The following HSD17B12 variants were observed in gnomAD, a reference collection of about 807,000 sequenced individuals.
The protein encoded by HSD17B12 is hydroxysteroid 17-beta dehydrogenase 12, also known as very-long-chain 3-oxoacyl-CoA reductase.
HSD17B12 carries 32 observed loss-of-function variants against 39.3 expected under a neutral mutation model. That is an observed-to-expected ratio of 0.81 (90% CI 0.61 to 1.09). HSD17B12 has a LOEUF of 1.09. Ranked by LOEUF, HSD17B12 falls within the 50% of genes least tolerant of loss-of-function variation. The pLI is 0.00. For missense variants in HSD17B12, 342 were observed against 382.9 expected, an observed-to-expected ratio of 0.89 and a Z score of 0.89; for synonymous variants, 150 against 146.7, an observed-to-expected ratio of 1.02 and a Z score of -0.16.
the HSD17B12 span, among the ~76,000 whole-genome samples, chr11:43,561,913 T>C: frequency 6.6e-6 from 1 of 152,208 alleles, no homozygotes. Context: ...TTAATAAATG[T>C]TAGCTGACTC....
the HSD17B12 span, among the ~76,000 whole-genome samples, chr11:43,568,450 T>C: frequency 1.3e-5 from 2 of 152,172 alleles, no homozygotes; most frequent in Non-Finnish European, 1.5e-5. Context: ...GGCAATTAAT[T>C]ACATGGCAAG....
At chr11:43,653,515 A>G in the HSD17B12 span, among the ~76,000 whole-genome samples, 1 of 152,046 alleles carries the variant, frequency 6.6e-6, no homozygotes, top group Non-Finnish European at 1.5e-5. Flanking sequence ...CTTGTCATTT[A>G]GCATTAGGTA....
At chr11:43,768,799 TTC>T (rs1950622426) in intron 3 of HSD17B12, among the ~76,000 whole-genome samples, 4 of 152,230 alleles carry the variant, frequency 2.6e-5, no homozygotes, top group African/African-American at 7.2e-5. Context: ...CCAGTTTTTA[TTC>T]TCTTATTTGG....
chr11:43,769,300 A>C (rs1950627757), intron 3 of HSD17B12, among the ~76,000 whole-genome samples: 1 of 152,244 alleles, frequency 6.6e-6, no homozygotes, highest in African/African-American at 2.4e-5. Context: ...ACAATTAGTA[A>C]CTAAAGAAAG....
the HSD17B12 span, among the ~76,000 whole-genome samples, chr11:43,629,027 T>C: frequency 3.9e-5 from 6 of 152,146 alleles, no homozygotes; most frequent in African/African-American, 1.4e-4. Flanking sequence ...TTGTAATTGA[T>C]GTAAAGCAGT....
the HSD17B12 span, among the ~76,000 whole-genome samples, chr11:43,663,388 C>A: frequency 6.6e-6 from 1 of 152,186 alleles, no homozygotes; most frequent in African/African-American, 2.4e-5. Context: ...GCGTGAGCCA[C>A]CATGCCTGGC....
the HSD17B12 span, among the ~76,000 whole-genome samples, chr11:43,660,901 G>T: frequency 6.6e-6 from 1 of 152,196 alleles, no homozygotes; most frequent in Non-Finnish European, 1.5e-5. Context: ...GAGGCAGGTG[G>T]ATTACCTGAG....
chr11:43,839,257 C>T (rs1197642967), intron 8 of HSD17B12, among the ~76,000 whole-genome samples: 2 of 152,100 alleles, frequency 1.3e-5, no homozygotes, highest in Non-Finnish European at 2.9e-5. Flanking sequence ...CTTGGTACCA[C>T]CTCCCAGCCC....
At chr11:43,644,425 T>C in the HSD17B12 span, 1 of 152,284 alleles carries the variant, frequency 6.6e-6, no homozygotes, top group Non-Finnish European at 1.5e-5. Flanking sequence ...GCCGTCGTTA[T>C]AGCGGTCAAG....
chr11:43,821,364 A>T (rs559533540), intron 6 of HSD17B12, among the ~76,000 whole-genome samples: 1 of 152,166 alleles, frequency 6.6e-6, no homozygotes, highest in Non-Finnish European at 1.5e-5. Flanking sequence ...TAGAAACTCT[A>T]TATGTAGGTA....
chr11:43,770,166 T>C (rs1202317716), intron 3 of HSD17B12, among the ~76,000 whole-genome samples: 2 of 152,340 alleles, frequency 1.3e-5, no homozygotes, highest in Middle Eastern at 3.4e-3. Flanking sequence ...ACAGTTACAC[T>C]ATAGACAAAT....
At chr11:43,661,354 T>C in the HSD17B12 span, among the ~76,000 whole-genome samples, 1 of 152,130 alleles carries the variant, frequency 6.6e-6, no homozygotes, top group Non-Finnish European at 1.5e-5. Flanking sequence ...TCTTGGAGAT[T>C]ATGGAAATGT....
the HSD17B12 span, among the ~76,000 whole-genome samples, chr11:43,581,153 G>C: frequency 6.6e-6 from 1 of 152,108 alleles, no homozygotes; most frequent in Non-Finnish European, 1.5e-5. The surrounding 1 kb of genome is among the most constrained non-coding windows in gnomAD (Gnocchi z 4.9). Flanking sequence ...CCGGGATCCG[G>C]GTGCCCCTCT....
the HSD17B12 span, among the ~76,000 whole-genome samples, chr11:43,561,765 T>G: frequency 2.6e-5 from 4 of 152,316 alleles, no homozygotes; most frequent in East Asian, 7.7e-4. Flanking sequence ...TATTCTTGCT[T>G]ATTATTTTAT....
the HSD17B12 span, among the ~76,000 whole-genome samples, chr11:43,613,934 T>G: frequency 6.6e-6 from 1 of 152,228 alleles, no homozygotes; most frequent in Non-Finnish European, 1.5e-5. Context: ...CCCAAAGTTC[T>G]GGGATTACAG....
In HSD17B12 at chr11:43,779,845, A is replaced by G. The variant is rs145802225; in HGVS notation, c.284-18475A>G. On this transcript the variant is annotated intron_variant, in intron 3 of 10. Coordinates refer to ENST00000278353, the MANE Select transcript of HSD17B12 (RefSeq NM_016142.3). The stretch of plus-strand genomic sequence containing the variant: ...GCTTTCACATTGGGTAGGATGTTCA[A>G]GGAGAGTTACTGAATTTCGTTCATC... Among the ~76,000 whole-genome samples the G allele has an allele frequency of 5.3e-5, 8 of 152,344 alleles. No homozygotes were observed. In the South Asian group the frequency reaches 6.2e-4, roughly 12 times the overall value.
At chr11:43,598,046 C>T in the HSD17B12 span, among the ~76,000 whole-genome samples, 1 of 152,168 alleles carries the variant, frequency 6.6e-6, no homozygotes, top group Admixed American at 6.5e-5. Flanking sequence ...GAGTGATCTA[C>T]TCAGTTCCCT....
At chr11:43,636,890 TG>T in the HSD17B12 span, among the ~76,000 whole-genome samples, 4 of 152,154 alleles carry the variant, frequency 2.6e-5, no homozygotes, top group Admixed American at 2.6e-4. Flanking sequence ...ATTTTCGAGA[TG>T]GAGGGGCACA....
At chr11:43,686,991 TGAG>T (rs1344769788) in intron 1 of HSD17B12, among the ~76,000 whole-genome samples, 1 of 128,390 alleles carries the variant, frequency 7.8e-6, no homozygotes, top group Admixed American at 9.5e-5. Flanking sequence ...TTGGTTGAAT[TGAG>T]GATAATTTAT....
Sources: allele counts gnomAD v4.1 joint callset (sites outside exome capture counted in the v4.1 genomes callset), GRCh38; gene constraint gnomAD v4.1.1; non-coding constraint Gnocchi (gnomAD v3.1); transcripts MANE v1.5; gene names NCBI Gene and HGNC (gene_info 2026-07-23, HGNC 2026-07-21).